Variants in ARID1A observed in about 807,000 individuals in gnomAD.
The protein encoded by ARID1A is AT-rich interaction domain 1A.
A neutral mutation model predicts 212.6 loss-of-function variants in ARID1A; 20 were observed. The observed-to-expected ratio is 0.09, with a 90% CI of 0.07 to 0.14. ARID1A has a LOEUF of 0.14. Among genes scored for constraint, ARID1A ranks in the 10% least tolerant of loss-of-function variants. The pLI is 1.00. For missense variants in ARID1A, 2,587 were observed against 3,059.0 expected (o/e 0.85, Z 3.64); for synonymous variants, 1,376 against 1,222.1 (o/e 1.13, Z -2.63).
At chr1:26,753,804 T>C (rs958935857) in intron 4 of ARID1A, among the ~76,000 whole-genome samples, 10 of 152,208 alleles carry the variant, frequency 6.6e-5, no homozygotes, top group African/African-American at 2.2e-4. Context: ...ATTGAGAACC[T>C]GAGAGTCCTG....
chr1:26,696,265 G>T lies in ARID1A; in HGVS notation c.-139G>T, dbSNP rs1406062259. ...GGCGGGGGGGAGAGGAGCGAGCGCAGCGCAGCAGCGGAGCCCCGCGAGGCC... is the reference window on the plus strand; with the variant it reads ...GGCGGGGGGGAGAGGAGCGAGCGCATCGCAGCAGCGGAGCCCCGCGAGGCC... On this transcript the variant is annotated 5_prime_UTR_variant, in exon 1 of 20. Transcript: ENST00000324856. 7 of 1,053,366 alleles carry T rather than the reference G, an allele frequency of 6.6e-6. No individual in the cohort carries two copies. The highest frequency in any genetic ancestry group is 4.6e-5 in the Admixed American group (1 of 21,510). The allele number at this position is 1,053,366 out of a possible 1,614,324, so 65.3% of individuals were successfully genotyped here.
In ARID1A at chr1:26,771,040, AG is replaced by A; in HGVS notation, c.3199-78del. On this transcript the variant is annotated intron_variant, in intron 11 of 19. Transcript: ENST00000324856. This position sits in a 1 kb window ranked among gnomAD's most constrained non-coding sequence, Gnocchi z 5.4. ...GGTTCTACAAAGATGAATACCTTACAGCCTGATGGGGCTTGGGGCTTATGGG... is the reference window on the plus strand; with the variant it reads ...GGTTCTACAAAGATGAATACCTTACACCTGATGGGGCTTGGGGCTTATGGG... 7.6e-7 allele frequency: 1 copy of A among 1,311,384 alleles called. No homozygotes were observed. The highest frequency in any genetic ancestry group is 1.5e-5 in the African/African-American group (1 of 68,606). 81.2% of individuals were successfully genotyped at this position (1,311,384 alleles called of 1,614,324 possible).
chr1:26,717,067 T>TG (rs1190449808), intron 1 of ARID1A, among the ~76,000 whole-genome samples: 1 of 152,214 alleles, frequency 6.6e-6, no homozygotes, highest in Non-Finnish European at 1.5e-5. Flanking sequence ...CACTTCTCAG[T>TG]GGTTGGTATT....
intron 1 of ARID1A, among the ~76,000 whole-genome samples, chr1:26,711,506 A>G (rs56163802): frequency 0.18 from 27,016 of 151,828 alleles, 4,573 homozygotes; most frequent in East Asian, 0.87. Context: ...CAAAGGCCCC[A>G]CCTCCTATTA....
At chr1:26,720,248 CGAA>C (rs1229770816) in intron 1 of ARID1A, among the ~76,000 whole-genome samples, 1 of 135,040 alleles carries the variant, frequency 7.4e-6, no homozygotes, top group African/African-American at 2.8e-5. Flanking sequence ...GGCTCTGTCT[CGAA>C]AAAAAAAAAA....
chr1:26,726,904 A>G (rs1414588481), intron 1 of ARID1A, among the ~76,000 whole-genome samples: 1 of 152,260 alleles, frequency 6.6e-6, no homozygotes, highest in Non-Finnish European at 1.5e-5. Flanking sequence ...TACTGAAGAT[A>G]TGGGAAGTGG....
At chr1:26,710,041 A>G (rs2080435421) in intron 1 of ARID1A, among the ~76,000 whole-genome samples, 1 of 146,324 alleles carries the variant, frequency 6.8e-6, no homozygotes, top group South Asian at 2.4e-4. Context: ...CACGTTGGCC[A>G]GGCTGGTCTG....
chr1:26,719,303 A>G (rs2080537214), intron 1 of ARID1A, among the ~76,000 whole-genome samples: 1 of 152,246 alleles, frequency 6.6e-6, no homozygotes, highest in Non-Finnish European at 1.5e-5. Context: ...GAAAAATCTG[A>G]GACTGAGTAT....
rs1189437882 is a variant in ARID1A at position 26,696,822 on chromosome 1, C to T, written c.419C>T (p.Ala140Val). 2 of 1,340,420 alleles carry T rather than the reference C, an allele frequency of 1.5e-6. No homozygotes were observed. Among genetic ancestry groups the T allele is most frequent in the South Asian group, 4.0e-5 (2 of 49,834 alleles). 83.0% of individuals were successfully genotyped at this position (1,340,420 alleles called of 1,614,324 possible). The change falls in exon 1 of 20, where the codon GCG becomes GTG. Residue 140 changes from alanine to valine, a missense_variant. Ala to Val is a moderately conservative substitution (Grantham distance 64). Around this residue, in one of 11 missense-constraint regions of ARID1A, gnomAD observed 735 missense variants for 590.6 expected, o/e 1.24. Coordinates refer to ENST00000324856, the MANE Select transcript of ARID1A (RefSeq NM_006015.6). The part of the protein sequence containing the change: ...DGVGAPPHSA[A>V]AALPPPAYGF... Reference sequence around the variant, plus strand: ...GTGGGGGCGCCTCCTCACTCAGCCGCGGCCGCCTTGCCGCCCCCAGCCTAC... The same window carrying T: ...GTGGGGGCGCCTCCTCACTCAGCCGTGGCCGCCTTGCCGCCCCCAGCCTAC...
chr1:26,738,755 C>T (rs1032801522), intron 4 of ARID1A, among the ~76,000 whole-genome samples: 1 of 152,032 alleles, frequency 6.6e-6, no homozygotes, highest in Admixed American at 6.6e-5. Flanking sequence ...GACAGGGTTT[C>T]ACCACGTTGG....
intron 19 of ARID1A, among the ~76,000 whole-genome samples, chr1:26,777,349 T>A (rs180940886): frequency 1.3e-5 from 2 of 151,864 alleles, no homozygotes; most frequent in East Asian, 3.9e-4. Flanking sequence ...GCTTCCCAAG[T>A]GGCTGGGACT....
chr1:26,764,617 A>C (rs1044329534), intron 8 of ARID1A: 2 of 152,194 alleles, frequency 1.3e-5, no homozygotes, highest in South Asian at 2.1e-4. Context: ...GCGATTGACT[A>C]TAAAGAGGTG....
chr1:26,773,054 C>T (rs2124108813), intron 14 of ARID1A, 67 bp downstream of exon 14: 2 of 1,553,148 alleles, frequency 1.3e-6, no homozygotes, highest in South Asian at 2.4e-5. Context: ...GGGGGGAAAT[C>T]TTGAGAATGG....
At chr1:26,749,542 T>C (rs531242205) in intron 4 of ARID1A, among the ~76,000 whole-genome samples, 1 of 152,298 alleles carries the variant, frequency 6.6e-6, no homozygotes, top group South Asian at 2.1e-4. Context: ...ACCACAGGAA[T>C]GCAAGCAGCC....
Position 26,774,792 on chromosome 1 carries a change from C to T in ARID1A, c.4565C>T (p.Ala1522Val), listed in dbSNP as rs2124120527. 1 of 1,614,202 alleles carries T rather than the reference C, an allele frequency of 6.2e-7. No individual in the cohort carries two copies. Residue 1522 changes from alanine to valine, a missense_variant, in exon 18 of 20, where the codon GCC becomes GTC. Physicochemically the swap from Ala to Val is moderately conservative, Grantham distance 64 (BLOSUM62 0). Transcript: ENST00000324856. This position sits in a 1 kb window ranked among gnomAD's most constrained non-coding sequence, Gnocchi z 5.6. ...QSTGSAPQGPAYHGVNRTDEM... is the reference protein window; with the variant it reads ...QSTGSAPQGPVYHGVNRTDEM... ...ACGGGCTCTGCCCCCCAGGGCCCCGCCTATCATGGCGTGAACCGAACAGAT... is the reference window on the plus strand; with the variant it reads ...ACGGGCTCTGCCCCCCAGGGCCCCGTCTATCATGGCGTGAACCGAACAGAT...
rs200122106 is a variant in ARID1A, at chr1:26,773,850, C to T, written c.4053C>T (p.Gly1351=). 4.7e-4 allele frequency: 764 copies of T among 1,614,250 alleles called. 3 individuals carry two copies. In the Middle Eastern group the frequency reaches 7.6e-3, roughly 16 times the overall value. Residue 1351 remains glycine, a synonymous_variant, in exon 17 of 20, where the codon GGC becomes GGT. Coordinates refer to ENST00000324856, the MANE Select transcript of ARID1A (RefSeq NM_006015.6). ...NQFSTQGTPS[G]SPFPSQQTTM... ...TCTCCACCCAAGGCACCCCTTCTGG[C>T]AGCCCCTTCCCCAGCCAGCAGACTA...
At chr1:26,704,872 A>G (rs544702217) in intron 1 of ARID1A, among the ~76,000 whole-genome samples, 3 of 152,198 alleles carry the variant, frequency 2.0e-5, no homozygotes, top group South Asian at 2.1e-4. Flanking sequence ...AAAAAAAAAA[A>G]AAATTTGTTT....
At position 26,781,903 on chromosome 1, in the gene ARID1A, T is replaced by C. The variant is rs2081199455; in HGVS notation, c.*1147T>C. The C allele has an allele frequency of 4.3e-6, 1 of 233,720 alleles. No individual in the cohort carries two copies. 14.5% of individuals were successfully genotyped at this position (233,720 alleles called of 1,614,324 possible). A position where few individuals can be genotyped will look rare whatever the true frequency, so the allele number is the denominator to read the frequency against. On this transcript the variant is annotated 3_prime_UTR_variant, in exon 20 of 20. Transcript: ENST00000324856. ...AGGTGTGAAAAAGTTCTAGGTTCAG[T>C]TGAAGTTCTGATGAAGAAACACAAT...
chr1:26,776,972 A>C (rs1172194711), intron 19 of ARID1A, among the ~76,000 whole-genome samples: 1 of 152,210 alleles, frequency 6.6e-6, no homozygotes, highest in Non-Finnish European at 1.5e-5. Flanking sequence ...TTGATAGAGC[A>C]ATTTTCATAT....
Sources: gnomAD v4.1 joint callset for allele counts (sites outside exome capture counted in the v4.1 genomes callset) on GRCh38, gnomAD v4.1.1 for gene constraint, gnomAD v4.1.1 regional missense constraint, Gnocchi (gnomAD v3.1) non-coding constraint, MANE v1.5 for transcripts, NCBI Gene and HGNC (gene_info 2026-07-23, HGNC 2026-07-21) for gene names.